Variants in TUBA4B observed in about 807,000 individuals in gnomAD.
TUBA4B encodes the protein tubulin-like protein alpha-4B.
TUBA4B carries 13 observed loss-of-function variants against 18.4 expected under a neutral mutation model. The observed-to-expected ratio is 0.71, with a 90% CI of 0.46 to 1.12. The LOEUF (loss-of-function observed/expected upper bound fraction) is 1.12, where lower values mean the gene tolerates loss of function less well. Among genes scored for constraint, TUBA4B ranks in the 50% most tolerant of loss-of-function variants. TUBA4B has a pLI of 0.00. For synonymous variants in TUBA4B, 101 were observed against 99.1 expected, an observed-to-expected ratio of 1.02 and a Z score of -0.11; for missense variants, 244 against 250.0, an observed-to-expected ratio of 0.98 and a Z score of 0.16.
rs1395829862 is a variant in TUBA4B at position 219,271,519 on chromosome 2, C to T, written c.546C>T (p.Arg182=). The T allele has an allele frequency of 5.0e-6, 8 of 1,614,120 alleles. No individual in the cohort carries two copies. The highest frequency in any genetic ancestry group is 6.8e-6 in the Non-Finnish European group (8 of 1,180,056). Residue 182 remains arginine, a synonymous_variant, in exon 4 of 4, where the codon CGC becomes CGT. Transcript: ENST00000490341. ...TCTCCTCCATCACAGCTTCTCTGCG[C>T]TTTGACGGGGCCCTCAATGTGGACC... ...QIVSSITASL[R]FDGALNVDLT...
chr2:219,264,902 C>T (rs1951781305), intron 1 of TUBA4B, among the ~76,000 whole-genome samples: 1 of 152,140 alleles, frequency 6.6e-6, no homozygotes, highest in Non-Finnish European at 1.5e-5. Flanking sequence ...GCCATGCGTT[C>T]GAAACATCAG....
At chr2:219,265,182 G>A (rs1951782781) in intron 1 of TUBA4B, among the ~76,000 whole-genome samples, 1 of 152,182 alleles carries the variant, frequency 6.6e-6, no homozygotes, top group Non-Finnish European at 1.5e-5. Context: ...CCGAGTCCCA[G>A]ATAAATCTTA....
At position 219,264,415 on chromosome 2, in the gene TUBA4B, A is replaced by G. The variant is rs1248764378; in HGVS notation, c.13-2106A>G. ...GCAGAGGTTGCAGTGAGCTGAGATC[A>G]TGCCACTGCACTCCAGCCTGGGTGA... is the stretch of plus-strand genomic sequence containing the variant. On this transcript the variant is annotated intron_variant, in intron 1 of 3. Coordinates refer to ENST00000490341, the MANE Select transcript of TUBA4B (RefSeq NM_001355221.1). Among the ~76,000 whole-genome samples, 3 of 151,482 alleles carry G rather than the reference A, an allele frequency of 2.0e-5. No homozygotes were observed. In the East Asian group the frequency reaches 5.8e-4, roughly 29 times the overall value.
intron 2 of TUBA4B, among the ~76,000 whole-genome samples, chr2:219,267,107 G>A (rs1470696394): frequency 6.6e-6 from 1 of 152,146 alleles, no homozygotes; most frequent in Non-Finnish European, 1.5e-5. Context: ...GGAAAAGGGG[G>A]TGCTCCCATC....
rs1053310150 is a variant in TUBA4B, at chr2:219,271,411, A to C, written c.438A>C (p.Lys146Asn). The C allele has an allele frequency of 5.0e-6, 8 of 1,614,138 alleles. No individual in the cohort carries two copies. The highest frequency in any genetic ancestry group is 6.8e-6 in the Non-Finnish European group (8 of 1,180,026). ...HSDCAFMVDNKAIYDICHCNL... is the reference protein window; with the variant it reads ...HSDCAFMVDNNAIYDICHCNL... ...ACTGTGCCTTCATGGTGGACAACAA[A>C]GCAATCTATGACATCTGCCACTGCA... Residue 146 changes from lysine (K) to asparagine (N), a missense_variant, in exon 4 of 4, where the codon AAA becomes AAC. Lys to Asn is a moderately conservative substitution (Grantham distance 94). Transcript: ENST00000490341.
chr2:219,271,249 G>A lies in TUBA4B; in HGVS notation c.276G>A (p.Leu92=). 7.4e-7 allele frequency: 1 copy of A among 1,355,652 alleles called. No homozygotes were observed. Among genetic ancestry groups the A allele is most frequent in the Non-Finnish European group, 1.1e-6 (1 of 944,648 alleles). 84.0% of individuals were successfully genotyped at this position (1,355,652 alleles called of 1,614,324 possible). A position where few individuals can be genotyped will look rare whatever the true frequency, so the allele number is the denominator to read the frequency against. The part of the protein sequence containing the change: ...RGTGSDVTSF[L]MEWLSVNYGK... ...CTGGCTCTGACGTCACCTCATTCCT[G>A]ATGGAGTGGCTTTCTGTTAACTATG... is the stretch of plus-strand genomic sequence containing the variant. The change falls in exon 4 of 4, where the codon CTG becomes CTA. Residue 92 remains leucine (L), a synonymous_variant. Transcript: ENST00000490341.
At position 219,271,710 on chromosome 2, in the gene TUBA4B, C is replaced by T. The variant is rs1490330286; in HGVS notation, c.*11C>T. ...CCAACCAGATGGTGAAGTGTGATCC[C>T]CGGCACGGCAAGTACATGGCCTGCT... On this transcript the variant is annotated 3_prime_UTR_variant, in exon 4 of 4. Transcript: ENST00000490341. The T allele has an allele frequency of 1.2e-6, 2 of 1,612,806 alleles. No homozygotes were observed. The highest frequency in any genetic ancestry group is 1.7e-5 in the Admixed American group (1 of 60,016).
Position 219,253,362 on chromosome 2 carries a change from G to C in TUBA4B, c.-46G>C, listed in dbSNP as rs746847455. On this transcript the variant is annotated 5_prime_UTR_variant, in exon 1 of 4. Transcript: ENST00000490341. Reference sequence around the variant, plus strand: ...CGCGGGGTGCTGAGTCACGGGGGGGGGGTGGTTCTGTGGATAGTTGGAATG... The same window carrying C: ...CGCGGGGTGCTGAGTCACGGGGGGGCGGTGGTTCTGTGGATAGTTGGAATG... The C allele has an allele frequency of 3.3e-5, 51 of 1,534,326 alleles. No individual in the cohort carries two copies. The Middle Eastern group carries it at 1.5e-3, about 45-fold the overall frequency.
intron 1 of TUBA4B, among the ~76,000 whole-genome samples, chr2:219,262,515 A>T (rs1164532305): frequency 1.3e-5 from 2 of 151,890 alleles, no homozygotes; most frequent in African/African-American, 4.8e-5. Context: ...GCTCCATTTT[A>T]TTTCTTTTTG....
rs544026696 is a variant in TUBA4B, at chr2:219,257,293, A to G, written c.12+3874A>G. ...CCTGACCTCGTGATCCACCCACCTC[A>G]GCCTCCCAAAATGCTGGGACTACAG... On this transcript the variant is annotated intron_variant, in intron 1 of 3. Transcript: ENST00000490341. Among the ~76,000 whole-genome samples the G allele has an allele frequency of 8.8e-4, 129 of 146,988 alleles. 2 individuals are homozygous for G. In the South Asian group the frequency reaches 9.8e-3, roughly 11 times the overall value.
At chr2:219,253,973 TC>T (rs1951693711) in intron 1 of TUBA4B, 1 of 1,108,986 alleles carries the variant, frequency 9.0e-7, no homozygotes, top group African/African-American at 1.6e-5. Flanking sequence ...GGGCCCGCGT[TC>T]CCCGCTCGCC....
At position 219,271,151 on chromosome 2, in the gene TUBA4B, C is replaced by T. The variant is rs1400073760; in HGVS notation, c.193-15C>T. On this transcript the variant is annotated splice_polypyrimidine_tract_variant and intron_variant, in intron 3 of 3. Coordinates refer to ENST00000490341, the MANE Select transcript of TUBA4B (RefSeq NM_001355221.1). ...TGCTCCATGCCCCACATTTCCCCTC[C>T]CCTTCCCTGTCTAGGCTGACCAGTG... is the stretch of plus-strand genomic sequence containing the variant. 2.5e-6 allele frequency: 2 copies of T among 812,380 alleles called. No homozygotes were observed. Among genetic ancestry groups the T allele is most frequent in the Non-Finnish European group, 4.3e-6 (2 of 467,704 alleles). The allele number at this position is 812,380 out of a possible 1,614,324, so 50.3% of individuals were successfully genotyped here.
chr2:219,255,016 C>T (rs1574888505), intron 1 of TUBA4B, among the ~76,000 whole-genome samples: 1 of 152,154 alleles, frequency 6.6e-6, no homozygotes, highest in Admixed American at 6.5e-5. Context: ...TCTCTCCACC[C>T]CATCTTTTCA....
chr2:219,270,399 T>A, intron 3 of TUBA4B, 64 bp downstream of exon 3: 1 of 694,842 alleles, frequency 1.4e-6, no homozygotes, highest in East Asian at 2.7e-5. Flanking sequence ...TGAGGTAGTC[T>A]GGACACCAGA....
At chr2:219,268,151 C>G (rs1951802521) in intron 2 of TUBA4B, among the ~76,000 whole-genome samples, 1 of 147,862 alleles carries the variant, frequency 6.8e-6, no homozygotes, top group African/African-American at 2.6e-5. Flanking sequence ...CTCTGTTGCC[C>G]TGGCTGGAGT....
chr2:219,262,913 C>T (rs1319212556), intron 1 of TUBA4B, among the ~76,000 whole-genome samples: 3 of 151,920 alleles, frequency 2.0e-5, no homozygotes, highest in Non-Finnish European at 4.4e-5. Context: ...TGGTGGCATG[C>T]GCCTGTAATC....
At chr2:219,257,340 C>A (rs187144851) in intron 1 of TUBA4B, among the ~76,000 whole-genome samples, 2,874 of 92,724 alleles carry the variant, frequency 0.031, 173 homozygotes, top group African/African-American at 0.11. Flanking sequence ...TGCGCCCAGC[C>A]TTTTTTTTTT....
chr2:219,264,377 T>C (rs1372090947), intron 1 of TUBA4B, among the ~76,000 whole-genome samples: 2 of 151,680 alleles, frequency 1.3e-5, no homozygotes, highest in African/African-American at 4.8e-5. Context: ...GGAGAATTGC[T>C]TGAACCCAAG....
chr2:219,260,240 C>T (rs1238675605), intron 1 of TUBA4B, among the ~76,000 whole-genome samples: 1 of 151,888 alleles, frequency 6.6e-6, no homozygotes, highest in African/African-American at 2.4e-5. Context: ...ATTGTTGAAG[C>T]TTGGTGATGA....
Sources: allele counts gnomAD v4.1 joint callset (sites outside exome capture counted in the v4.1 genomes callset), GRCh38; gene constraint gnomAD v4.1.1; transcripts MANE v1.5; gene names NCBI Gene and HGNC (gene_info 2026-07-23, HGNC 2026-07-21).